Variants in EIF3K observed in about 807,000 individuals in gnomAD.
The protein encoded by EIF3K is eIF-3 p28.
EIF3K carries 27 observed loss-of-function variants against 34.2 expected under a neutral mutation model. The ratio of observed to expected loss-of-function variants is 0.79; its 90% CI spans 0.58 to 1.09. EIF3K has a LOEUF of 1.09. Ranked by LOEUF, EIF3K falls within the 50% of genes least tolerant of loss-of-function variation. The pLI is 0.00. For missense variants in EIF3K, 232 were observed against 275.4 expected (o/e 0.84, Z 1.11); for synonymous variants, 105 against 105.7 (o/e 0.99, Z 0.04).
chr19:38,625,935 G>T lies in EIF3K; in HGVS notation c.280-93G>T, dbSNP rs930515152. The T allele has an allele frequency of 5.8e-6, 7 of 1,200,016 alleles. No individual in the cohort carries two copies. In the African/African-American group the frequency reaches 7.5e-5, roughly 13 times the overall value. The allele number at this position is 1,200,016 out of a possible 1,614,324, so 74.3% of individuals were successfully genotyped here. On this transcript the variant is annotated intron_variant, in intron 3 of 7. Coordinates refer to ENST00000248342, the MANE Select transcript of EIF3K (RefSeq NM_013234.4). ...GTTTTTCTGAGCTGAAGCTTTGGAA[G>T]AAAGCAGCCAGAAGAAGGTAGGTGG...
chr19:38,634,935 C>A, intron 6 of EIF3K, 58 bp from the exon 7 acceptor site: 1 of 1,610,018 alleles, frequency 6.2e-7, no homozygotes, highest in South Asian at 1.1e-5. Flanking sequence ...GCCTCTCAGT[C>A]CCCTGGAACT....
intron 4 of EIF3K, among the ~76,000 whole-genome samples, chr19:38,629,412 A>G (rs946167684): frequency 1.6e-4 from 24 of 152,168 alleles, no homozygotes; most frequent in Non-Finnish European, 3.2e-4. Flanking sequence ...CCCGCACTTC[A>G]GCCTCCTGAG....
chr19:38,619,475 C>G, intron 1 of EIF3K, 148 bp downstream of exon 1: 1 of 911,078 alleles, frequency 1.1e-6, no homozygotes, highest in Non-Finnish European at 1.7e-6. Context: ...AAAGAAACGG[C>G]ACTGAGCTGG....
chr19:38,619,338 G>T lies in EIF3K; in HGVS notation c.59+11G>T. 6.2e-7 allele frequency: 1 copy of T among 1,613,536 alleles called. No homozygotes were observed. Among genetic ancestry groups the T allele is most frequent in the South Asian group, 1.1e-5 (1 of 91,014 alleles). On this transcript the variant is annotated intron_variant, in intron 1 of 7. Coordinates refer to ENST00000248342, the MANE Select transcript of EIF3K (RefSeq NM_013234.4). ...CAAGGGTATCGACAGGTCTGAGCCCGGTTGGAGGAAGCGCTCTGGCCAAGC... is the reference window on the plus strand; with the variant it reads ...CAAGGGTATCGACAGGTCTGAGCCCTGTTGGAGGAAGCGCTCTGGCCAAGC...
chr19:38,636,831 G>A (rs1976202064), intron 7 of EIF3K, 58 bp from the exon 8 acceptor site: 2 of 1,602,552 alleles, frequency 1.2e-6, no homozygotes, highest in Non-Finnish European at 1.7e-6. Flanking sequence ...TGTAGCAGGT[G>A]GCTGGAGGTT....
At position 38,630,347 on chromosome 19, in the gene EIF3K, A is replaced by ATT. The variant is rs71165567; in HGVS notation, c.355-2069_355-2068dup. Among the ~76,000 whole-genome samples the ATT allele has an allele frequency of 6.0e-4, 75 of 124,388 alleles. 1 individual carries two copies. In the South Asian group the frequency reaches 8.1e-3, roughly 13 times the overall value. 81.6% of individuals were successfully genotyped at this position (124,388 alleles called of 152,430 possible). A position where few individuals can be genotyped will look rare whatever the true frequency, so the allele number is the denominator to read the frequency against. ...GGTTTAATTATTTATTTATTTATTT[A>ATT]TTTTTTTTTTTTTTTGAGATGGAGT... On this transcript the variant is annotated intron_variant, in intron 4 of 7. Coordinates refer to ENST00000248342, the MANE Select transcript of EIF3K (RefSeq NM_013234.4).
intron 2 of EIF3K, among the ~76,000 whole-genome samples, chr19:38,622,524 G>A (rs1975864206): frequency 1.3e-5 from 2 of 152,198 alleles, no homozygotes; most frequent in Non-Finnish European, 1.5e-5. Flanking sequence ...GGCAAGTGGA[G>A]GCAGGGCGAG....
chr19:38,620,456 C>T lies in EIF3K; in HGVS notation c.158+21C>T, dbSNP rs374127649. 4 of 1,605,990 alleles carry T rather than the reference C, an allele frequency of 2.5e-6. No individual in the cohort carries two copies. The African/African-American group carries it at 5.3e-5, about 21-fold the overall frequency. On this transcript the variant is annotated intron_variant, in intron 2 of 7. Transcript: ENST00000248342. ...AAGCTGTAAGTGTCTAGCTCTCTGT[C>T]TACACTCCCATTGCAGCAACTAGCA... is the stretch of plus-strand genomic sequence containing the variant.
At chr19:38,623,360 G>C (rs1456338970) in intron 2 of EIF3K, among the ~76,000 whole-genome samples, 1 of 152,202 alleles carries the variant, frequency 6.6e-6, no homozygotes, top group African/African-American at 2.4e-5. Flanking sequence ...GTAGAGACAG[G>C]GTTTTGCCAT....
intron 4 of EIF3K, among the ~76,000 whole-genome samples, chr19:38,631,458 A>C (rs1976063546): frequency 6.6e-6 from 1 of 152,222 alleles, no homozygotes; most frequent in Non-Finnish European, 1.5e-5. Context: ...ATGTGCATAC[A>C]CATAAACATC....
intron 2 of EIF3K, 85 bp from the exon 3 acceptor site, chr19:38,623,992 C>G: frequency 1.9e-6 from 3 of 1,593,702 alleles, no homozygotes; most frequent in Non-Finnish European, 2.6e-6. Flanking sequence ...TCCCAAACTC[C>G]AGAATAAAGC....
Position 38,620,332 on chromosome 19 carries a change from T to G in EIF3K, c.60-5T>G, listed in dbSNP as rs559292275. ...CTGTGCTCACCTATCTTGATTCTCCTTTAGGTACAATCCTGAGAACCTGGC... is the reference window on the plus strand; with the variant it reads ...CTGTGCTCACCTATCTTGATTCTCCGTTAGGTACAATCCTGAGAACCTGGC... On this transcript the variant is annotated splice_region_variant and splice_polypyrimidine_tract_variant and intron_variant, in intron 1 of 7. Transcript: ENST00000248342. The G allele has an allele frequency of 2.1e-5, 34 of 1,613,322 alleles. No homozygotes were observed. The South Asian group carries it at 3.1e-4, about 15-fold the overall frequency.
rs1219354680 is a variant in EIF3K at position 38,626,073 on chromosome 19, C to T, written c.325C>T (p.Leu109=). The T allele has an allele frequency of 6.2e-7, 1 of 1,614,192 alleles. No individual in the cohort carries two copies. The highest frequency in any genetic ancestry group is 2.2e-5 in the East Asian group (1 of 44,872). Residue 109 remains leucine (L), a synonymous_variant, in exon 4 of 8, where the codon CTG becomes TTG. Transcript: ENST00000248342. Reference sequence around the variant, plus strand: ...ACAGATTTTGTACCTCGGGGACCTGCTGGAGACCTGCCATTTCCAGGCCTT... The same window carrying T: ...ACAGATTTTGTACCTCGGGGACCTGTTGGAGACCTGCCATTTCCAGGCCTT... ...IRQILYLGDL[L]ETCHFQAFWQ...
At chr19:38,620,061 GCT>G (rs1975806595) in intron 1 of EIF3K, among the ~76,000 whole-genome samples, 1 of 152,344 alleles carries the variant, frequency 6.6e-6, no homozygotes, top group South Asian at 2.1e-4. Context: ...AGGTGTACAA[GCT>G]GCAGTGACTG....
intron 2 of EIF3K, among the ~76,000 whole-genome samples, chr19:38,621,850 C>T (rs1975847189): frequency 6.7e-6 from 1 of 150,122 alleles, no homozygotes; most frequent in African/African-American, 2.4e-5. Context: ...ACTTGTGTGG[C>T]TGTCCTAATG....
At chr19:38,620,468 T>G (rs972665385) in intron 2 of EIF3K, 33 bp downstream of exon 2, 1 of 1,590,134 alleles carries the variant, frequency 6.3e-7, no homozygotes, top group Non-Finnish European at 8.6e-7. Flanking sequence ...ACACTCCCAT[T>G]GCAGCAACTA....
intron 4 of EIF3K, among the ~76,000 whole-genome samples, chr19:38,628,291 G>A (rs2144772329): frequency 6.6e-6 from 1 of 152,182 alleles, no homozygotes; most frequent in East Asian, 1.9e-4. Flanking sequence ...CCTAGGCCTT[G>A]GGATTTTAAA....
At chr19:38,634,625 G>A (rs896040207) in intron 6 of EIF3K, among the ~76,000 whole-genome samples, 1 of 152,060 alleles carries the variant, frequency 6.6e-6, no homozygotes, top group African/African-American at 2.4e-5. Context: ...TATTGTTTCT[G>A]GTAATGGTCA....
Position 38,636,871 on chromosome 19 carries a change from G to T in EIF3K, c.626-18G>T. ...TCCCGCCCTTCTCACCTTCAGTCTGGTCTCTCCTTCCCCACAGGTGTGTCC... is the reference window on the plus strand; with the variant it reads ...TCCCGCCCTTCTCACCTTCAGTCTGTTCTCTCCTTCCCCACAGGTGTGTCC... On this transcript the variant is annotated intron_variant, in intron 7 of 7. Transcript: ENST00000248342. The T allele has an allele frequency of 6.2e-7, 1 of 1,614,148 alleles. No individual in the cohort carries two copies.
Sources: gnomAD v4.1 joint callset for allele counts (sites outside exome capture counted in the v4.1 genomes callset) on GRCh38, gnomAD v4.1.1 for gene constraint, MANE v1.5 for transcripts, NCBI Gene and HGNC (gene_info 2026-07-23, HGNC 2026-07-21) for gene names.